The following CACNG2 variants were observed in gnomAD, a reference collection of about 807,000 sequenced individuals.
CACNG2 encodes the protein calcium voltage-gated channel auxiliary subunit gamma 2, also known as voltage-dependent calcium channel gamma-2 subunit.
In CACNG2, 3 loss-of-function variants were observed where a neutral mutation model predicts 25.9. The observed-to-expected ratio is 0.12, with a 90% CI of 0.05 to 0.30. The LOEUF is 0.30. Among genes scored for constraint, CACNG2 ranks in the 10% least tolerant of loss-of-function variants. The pLI, the probability that CACNG2 is intolerant of heterozygous loss-of-function variation, is 1.00. For missense variants in CACNG2, 341 were observed against 432.5 expected (o/e 0.79, Z 1.88); for synonymous variants, 167 against 173.3 (o/e 0.96, Z 0.29).
chr22:36,664,241 TACAC>T (rs1936841647), intron 1 of CACNG2, among the ~76,000 whole-genome samples: 1 of 151,946 alleles, frequency 6.6e-6, no homozygotes, highest in Non-Finnish European at 1.5e-5. Context: ...CACACACCCA[TACAC>T]ACACGCACAG....
At chr22:36,651,336 C>G (rs750898519) in intron 1 of CACNG2, among the ~76,000 whole-genome samples, 11 of 136,866 alleles carry the variant, frequency 8.0e-5, no homozygotes, top group Non-Finnish European at 1.5e-4. Flanking sequence ...TCAAGTGATT[C>G]TCCTGCCTCA....
intron 2 of CACNG2, among the ~76,000 whole-genome samples, chr22:36,569,909 A>AT (rs1243268737): frequency 2.6e-5 from 4 of 152,186 alleles, no homozygotes; most frequent in African/African-American, 9.7e-5. Flanking sequence ...AAGGGGAATG[A>AT]CAGAAGAGAG....
chr22:36,582,504 C>A (rs1296709984), intron 2 of CACNG2, among the ~76,000 whole-genome samples: 2 of 151,318 alleles, frequency 1.3e-5, no homozygotes, highest in South Asian at 4.2e-4. Flanking sequence ...CTCCTGGGTT[C>A]AAATGATTTT....
At chr22:36,616,783 C>T (rs1936027609) in intron 1 of CACNG2, among the ~76,000 whole-genome samples, 1 of 152,182 alleles carries the variant, frequency 6.6e-6, no homozygotes, top group South Asian at 2.1e-4. Context: ...CTTCAAAGCA[C>T]AACTAAAATC....
At chr22:36,616,851 T>C (rs1936028192) in intron 1 of CACNG2, among the ~76,000 whole-genome samples, 1 of 152,180 alleles carries the variant, frequency 6.6e-6, no homozygotes, top group Non-Finnish European at 1.5e-5. Context: ...ACCATGATGA[T>C]CTATTTATTT....
intron 1 of CACNG2, among the ~76,000 whole-genome samples, chr22:36,697,760 GAA>G (rs1937358617): frequency 6.6e-6 from 1 of 152,206 alleles, no homozygotes; most frequent in African/African-American, 2.4e-5. Context: ...GGAGGTTTGT[GAA>G]AGAGTAGAAG....
chr22:36,568,055 G>A (rs1256247025), intron 2 of CACNG2, among the ~76,000 whole-genome samples: 2 of 152,092 alleles, frequency 1.3e-5, no homozygotes, highest in African/African-American at 2.4e-5. Context: ...TCACTATGTT[G>A]GCCAGGCTGG....
intron 1 of CACNG2, among the ~76,000 whole-genome samples, chr22:36,613,646 A>G (rs1399340049): frequency 6.6e-6 from 1 of 151,692 alleles, no homozygotes; most frequent in Non-Finnish European, 1.5e-5. Flanking sequence ...CAGAAATCTC[A>G]TCTCTGGCTT....
At chr22:36,582,052 T>C (rs1935426581) in intron 2 of CACNG2, among the ~76,000 whole-genome samples, 1 of 152,168 alleles carries the variant, frequency 6.6e-6, no homozygotes, top group Admixed American at 6.5e-5. Flanking sequence ...TCAACATTGA[T>C]CCTATTTCAC....
At chr22:36,635,210 G>T (rs1270020947) in intron 1 of CACNG2, among the ~76,000 whole-genome samples, 1 of 151,760 alleles carries the variant, frequency 6.6e-6, no homozygotes, top group African/African-American at 2.4e-5. Context: ...TGTGAACCCG[G>T]GAGGCGGAGC....
chr22:36,564,979 C>T lies in CACNG2; in HGVS notation c.437-93G>A, dbSNP rs1935102348. 15 of 1,186,876 alleles carry T rather than the reference C, an allele frequency of 1.3e-5. No homozygotes were observed. The highest frequency in any genetic ancestry group is 1.7e-5 in the Non-Finnish European group (14 of 807,154). The allele number at this position is 1,186,876 out of a possible 1,614,324, so 73.5% of individuals were successfully genotyped here. On this transcript the variant is annotated intron_variant, in intron 3 of 3. Coordinates refer to ENST00000300105, the MANE Select transcript of CACNG2 (RefSeq NM_006078.5). This position sits in a 1 kb window ranked among gnomAD's most constrained non-coding sequence, Gnocchi z 6.7. ...ACAGGGCAGCCGTAAAGGACGGGGA[C>T]AGCTGTGTGGGCCTTCCCCGGTCCC...
intron 1 of CACNG2, among the ~76,000 whole-genome samples, chr22:36,691,636 A>C (rs1937269321): frequency 6.6e-6 from 1 of 152,176 alleles, no homozygotes; most frequent in Admixed American, 6.5e-5. Context: ...TTGGGTTGGA[A>C]TCCCAGCTCT....
chr22:36,571,323 G>A (rs1327178739), intron 2 of CACNG2, among the ~76,000 whole-genome samples: 1 of 152,098 alleles, frequency 6.6e-6, no homozygotes, highest in Non-Finnish European at 1.5e-5. Context: ...CGGGCGTGAC[G>A]GTAAGTGCCT....
intron 1 of CACNG2, among the ~76,000 whole-genome samples, chr22:36,663,555 C>T (rs992595795): frequency 7.2e-5 from 11 of 152,066 alleles, no homozygotes; most frequent in Non-Finnish European, 1.5e-4. Flanking sequence ...GATAGAAAAA[C>T]GACTCTTTCC....
intron 2 of CACNG2, among the ~76,000 whole-genome samples, chr22:36,586,943 G>GAA (rs56707606): frequency 6.6e-6 from 1 of 150,674 alleles, no homozygotes; most frequent in Non-Finnish European, 1.5e-5. Flanking sequence ...TGCGGGGGAA[G>GAA]AAAAAATCTC....
chr22:36,602,017 C>T (rs901495141), intron 1 of CACNG2, among the ~76,000 whole-genome samples: 2 of 152,268 alleles, frequency 1.3e-5, no homozygotes, highest in African/African-American at 2.4e-5. Flanking sequence ...GCTCTCCTAA[C>T]GGGTGAGAAG....
At chr22:36,605,465 G>A (rs1212505202) in intron 1 of CACNG2, among the ~76,000 whole-genome samples, 2 of 152,166 alleles carry the variant, frequency 1.3e-5, no homozygotes, top group Non-Finnish European at 2.9e-5. Flanking sequence ...ATCCAGAACC[G>A]AATCCTCAGT....
chr22:36,651,299 G>A (rs9622445), intron 1 of CACNG2, among the ~76,000 whole-genome samples: 5,582 of 142,580 alleles, frequency 0.039, 184 homozygotes, highest in Middle Eastern at 0.091. Flanking sequence ...TGCAATCTCG[G>A]CTCACTGCAA....
chr22:36,603,491 A>G (rs895816740), intron 1 of CACNG2, among the ~76,000 whole-genome samples: 1 of 152,258 alleles, frequency 6.6e-6, no homozygotes, highest in Admixed American at 6.5e-5. Flanking sequence ...ACAGCTTTCT[A>G]TTGGAAGAAG....
Sources: gnomAD v4.1 joint callset for allele counts (sites outside exome capture counted in the v4.1 genomes callset) on GRCh38, gnomAD v4.1.1 for gene constraint, Gnocchi (gnomAD v3.1) non-coding constraint, MANE v1.5 for transcripts, NCBI Gene and HGNC (gene_info 2026-07-23, HGNC 2026-07-21) for gene names.